Variants in NCOA5 observed in about 807,000 individuals in gnomAD.
NCOA5 encodes the protein NCoA-5.
NCOA5 carries 12 observed loss-of-function variants against 59.0 expected under a neutral mutation model. The observed-to-expected ratio is 0.20, with a 90% confidence interval of 0.13 to 0.33. The LOEUF (loss-of-function observed/expected upper bound fraction) is 0.33, where lower values mean the gene tolerates loss of function less well. Among genes scored for constraint, NCOA5 ranks in the 10% least tolerant of loss-of-function variants. The pLI is 1.00. For synonymous variants in NCOA5, 270 were observed against 275.5 expected, an observed-to-expected ratio of 0.98 and a Z score of 0.20; for missense variants, 655 against 766.6, an observed-to-expected ratio of 0.85 and a Z score of 1.72.
chr20:46,065,322 A>C (rs1055893328), intron 5 of NCOA5, 94 bp from the exon 6 acceptor site: 13 of 1,137,980 alleles, frequency 1.1e-5, no homozygotes, highest in Non-Finnish European at 1.7e-5. Flanking sequence ...GATAACTCAA[A>C]CCTTAGTCTA....
intron 2 of NCOA5, among the ~76,000 whole-genome samples, chr20:46,071,651 C>T (rs148581467): frequency 3.9e-5 from 6 of 152,302 alleles, no homozygotes; most frequent in Non-Finnish European, 8.8e-5. Context: ...CTAATTCAAC[C>T]TCCTCAGTTC....
chr20:46,083,214 C>G (rs540762379), intron 1 of NCOA5, among the ~76,000 whole-genome samples: 7 of 152,148 alleles, frequency 4.6e-5, no homozygotes, highest in Admixed American at 4.6e-4. Flanking sequence ...TGAAGTTCCA[C>G]GCTATCAAGC....
At chr20:46,089,204 G>C (rs1015586282) in intron 1 of NCOA5, among the ~76,000 whole-genome samples, 28 of 152,162 alleles carry the variant, frequency 1.8e-4, no homozygotes, top group African/African-American at 6.8e-4. Context: ...TGAGCTACGT[G>C]GTAAACCCGG....
intron 3 of NCOA5, 31 bp downstream of exon 3, chr20:46,070,179 G>GA (rs1269940317): frequency 6.4e-7 from 1 of 1,563,850 alleles, no homozygotes; most frequent in African/African-American, 1.4e-5. Flanking sequence ...AAGAACTCAG[G>GA]AAAAAACAAG....
chr20:46,070,748 A>G (rs980087542), intron 2 of NCOA5, among the ~76,000 whole-genome samples: 5 of 152,142 alleles, frequency 3.3e-5, no homozygotes, highest in Non-Finnish European at 7.3e-5. Context: ...ACATCAAAAG[A>G]ATGCATGACC....
chr20:46,064,386 C>T (rs534297730), intron 6 of NCOA5, among the ~76,000 whole-genome samples: 2 of 152,344 alleles, frequency 1.3e-5, no homozygotes, highest in African/African-American at 4.8e-5. Flanking sequence ...AGCAGGGTAT[C>T]AGCTGGCGGA....
intron 5 of NCOA5, among the ~76,000 whole-genome samples, chr20:46,066,610 A>G (rs1171352135): frequency 6.6e-6 from 1 of 152,182 alleles, no homozygotes; most frequent in Non-Finnish European, 1.5e-5. Context: ...GAGTCAGGTC[A>G]ATCTAAAAAG....
intron 1 of NCOA5, among the ~76,000 whole-genome samples, chr20:46,084,328 G>A (rs2085024474): frequency 6.6e-6 from 1 of 152,194 alleles, no homozygotes; most frequent in Non-Finnish European, 1.5e-5. Context: ...CTCCAACGGA[G>A]TGGAAAGACA....
At chr20:46,069,644 G>A (rs1442584432) in intron 3 of NCOA5, among the ~76,000 whole-genome samples, 1 of 151,766 alleles carries the variant, frequency 6.6e-6, no homozygotes, top group African/African-American at 2.4e-5. Context: ...GGTGGGAGAA[G>A]TACTTAAGCC....
intron 7 of NCOA5, 65 bp downstream of exon 7, chr20:46,063,295 A>C (rs1353129661): frequency 2.0e-6 from 3 of 1,533,868 alleles, no homozygotes; most frequent in South Asian, 1.2e-5. Flanking sequence ...CACCCTCCCA[A>C]CAGAGCCTGG....
intron 2 of NCOA5, among the ~76,000 whole-genome samples, chr20:46,075,169 T>C (rs1403416753): frequency 1.3e-5 from 2 of 152,214 alleles, no homozygotes; most frequent in Non-Finnish European, 2.9e-5. Context: ...GATATGGACG[T>C]GCAATGAGAT....
rs2084775920 is a variant in NCOA5 at position 46,062,355 on chromosome 20, G to A, written c.1685C>T (p.Thr562Ile). ...PALSHLVSQTTAQMGQPQAPM... is the reference protein window; with the variant it reads ...PALSHLVSQTIAQMGQPQAPM... ...GGCCTGTGGCTGCCCCATCTGTGCT[G>A]TGGTCTGGCTAACCAGGTGGGAGAG... The change falls in exon 8 of 8, where the codon ACA becomes ATA. Residue 562 changes from threonine to isoleucine, a missense_variant. By Grantham distance (89) the Thr-to-Ile change is moderately conservative. Around this residue, in one of 3 missense-constraint regions of NCOA5, gnomAD observed 325 missense variants for 353.2 expected, o/e 0.92. Coordinates refer to ENST00000290231, the MANE Select transcript of NCOA5 (RefSeq NM_020967.3). 6.2e-7 allele frequency: 1 copy of A among 1,614,134 alleles called. No homozygotes were observed.
In NCOA5 at chr20:46,081,785, T is replaced by C. The variant is rs534737831; in HGVS notation, c.-29-2332A>G. Among the ~76,000 whole-genome samples the C allele has an allele frequency of 4.6e-5, 7 of 152,084 alleles. No individual in the cohort carries two copies. In the South Asian group the frequency reaches 1.0e-3, roughly 23 times the overall value. ...AATGAGACCTGGATTTTTTTTTTTT[T>C]CCTATCTAATAGAATTGCTCAGATT... On this transcript the variant is annotated intron_variant, in intron 1 of 7. Transcript: ENST00000290231.
chr20:46,071,094 A>G (rs2084877970), intron 2 of NCOA5, among the ~76,000 whole-genome samples: 1 of 151,954 alleles, frequency 6.6e-6, no homozygotes. Context: ...GTATCTCTCA[A>G]TCTGAGGGTT....
intron 2 of NCOA5, among the ~76,000 whole-genome samples, chr20:46,072,389 C>T (rs1399847760): frequency 1.3e-5 from 2 of 152,166 alleles, no homozygotes; most frequent in Non-Finnish European, 2.9e-5. Context: ...AGTGGCTATT[C>T]ACAGGTGGGA....
intron 7 of NCOA5, 96 bp from the exon 8 acceptor site, chr20:46,062,985 C>T: frequency 9.8e-7 from 1 of 1,015,608 alleles, no homozygotes; most frequent in Non-Finnish European, 1.4e-6. Context: ...TGAGTCACAT[C>T]AATCATACAG....
chr20:46,077,903 C>T (rs928805278), intron 2 of NCOA5, among the ~76,000 whole-genome samples: 4 of 152,218 alleles, frequency 2.6e-5, no homozygotes, highest in Non-Finnish European at 5.9e-5. Flanking sequence ...AGACATTATA[C>T]GGAACTGCTG....
Position 46,063,346 on chromosome 20 carries a change from G to C in NCOA5, c.1150+14C>G. ...AGAGTCAGAACTTCACCTCGGCCCTGCCACGTAGCTCACCAGGCAGAGAGT... is the reference window on the plus strand; with the variant it reads ...AGAGTCAGAACTTCACCTCGGCCCTCCCACGTAGCTCACCAGGCAGAGAGT... On this transcript the variant is annotated intron_variant, in intron 7 of 7. Coordinates refer to ENST00000290231, the MANE Select transcript of NCOA5 (RefSeq NM_020967.3). 1 of 1,608,668 alleles carries C rather than the reference G, an allele frequency of 6.2e-7. No homozygotes were observed. The highest frequency in any genetic ancestry group is 1.7e-5 in the Admixed American group (1 of 60,008).
Position 46,063,635 on chromosome 20 carries a change from C to G in NCOA5, c.875G>C (p.Arg292Thr). Residue 292 changes from arginine to threonine, a missense_variant, in exon 7 of 8, where the codon AGA becomes ACA. Coordinates refer to ENST00000290231, the MANE Select transcript of NCOA5 (RefSeq NM_020967.3). ...CTCATTCTTGTAACGCTCATAATTT[C>G]TGGCCACCAGCACCATGGCATCTGC... ...PQADAMVLVA[R>T]NYERYKNECR... is the part of the protein sequence containing the mutation. 1 of 1,614,108 alleles carries G rather than the reference C, an allele frequency of 6.2e-7. No homozygotes were observed. Among genetic ancestry groups the G allele is most frequent in the Non-Finnish European group, 8.5e-7 (1 of 1,180,036 alleles).
Sources: allele counts gnomAD v4.1 joint callset (sites outside exome capture counted in the v4.1 genomes callset), GRCh38; gene constraint gnomAD v4.1.1; regional missense constraint gnomAD v4.1.1; transcripts MANE v1.5; gene names NCBI Gene and HGNC (gene_info 2026-07-23, HGNC 2026-07-21).